The following MPP4 variants were observed in gnomAD, a reference collection of about 807,000 sequenced individuals.
The protein encoded by MPP4 is MAGUK p55 subfamily member 4.
In MPP4, 91 loss-of-function variants were observed where a neutral mutation model predicts 98.3. That is an observed-to-expected ratio of 0.93 (90% CI 0.78 to 1.10). The LOEUF is 1.10. MPP4 is among the 50% of genes least tolerant of loss of function. The pLI is 0.00. For synonymous variants in MPP4, 261 were observed against 271.8 expected (o/e 0.96, Z 0.39); for missense variants, 744 against 792.9 (o/e 0.94, Z 0.74).
At chr2:201,687,465 G>T in intron 4 of MPP4, 94 bp from the exon 5 acceptor site, 1 of 860,392 alleles carries the variant, frequency 1.2e-6, no homozygotes, top group Non-Finnish European at 1.8e-6. Context: ...ATACTAACAT[G>T]ATATTGACCT....
At chr2:201,687,775 G>A (rs1688882461) in intron 4 of MPP4, among the ~76,000 whole-genome samples, 1 of 152,044 alleles carries the variant, frequency 6.6e-6, no homozygotes, top group Non-Finnish European at 1.5e-5. Context: ...ACGTACCTGG[G>A]GAACTCAAAG....
intron 14 of MPP4, chr2:201,662,070 G>A (rs1197688494): frequency 1.3e-5 from 5 of 383,996 alleles, no homozygotes; most frequent in Non-Finnish European, 2.5e-5. Flanking sequence ...CAACTCATCT[G>A]TCTCAATGCT....
intron 12 of MPP4, 55 bp downstream of exon 12, chr2:201,669,678 G>T (rs2105927932): frequency 1.6e-6 from 2 of 1,285,346 alleles, no homozygotes; most frequent in South Asian, 4.0e-5. Context: ...TAAACTACAA[G>T]AAATTTCTAA....
At chr2:201,667,237 C>T (rs1015190556) in intron 12 of MPP4, among the ~76,000 whole-genome samples, 2 of 152,238 alleles carry the variant, frequency 1.3e-5, no homozygotes, top group Admixed American at 1.3e-4. Context: ...TCATCTGCTT[C>T]TCTCCTTCAC....
Position 201,650,298 on chromosome 2 carries a change from AAAG to A in MPP4, c.1382-136_1382-134del, listed in dbSNP as rs879103452. Reference sequence around the variant, plus strand: ...CAAGGAGATAAAATGCTAGAACTAAAAAGAAGAAGCCTGAATTGGTGATAAGTT... The same window carrying A: ...CAAGGAGATAAAATGCTAGAACTAAAAAGAAGCCTGAATTGGTGATAAGTT... On this transcript the variant is annotated intron_variant, in intron 18 of 21. Transcript: ENST00000409474. The A allele has an allele frequency of 8.9e-5, 126 of 1,418,304 alleles. No homozygotes were observed. The South Asian group carries it at 1.5e-3, about 17-fold the overall frequency. The allele number at this position is 1,418,304 out of a possible 1,614,324, so 87.9% of individuals were successfully genotyped here.
chr2:201,675,176 G>A (rs1027588219), intron 11 of MPP4, 31 bp downstream of exon 11: 4 of 1,587,584 alleles, frequency 2.5e-6, no homozygotes, highest in Non-Finnish European at 3.4e-6. Flanking sequence ...TTGCAAACAG[G>A]AAGAACCTGT....
chr2:201,671,464 TAA>T (rs1157222098), intron 11 of MPP4, among the ~76,000 whole-genome samples: 1 of 152,092 alleles, frequency 6.6e-6, no homozygotes, highest in East Asian at 1.9e-4. Context: ...GCAAATTGGA[TAA>T]AGAGTCAGGA....
chr2:201,689,814 C>T (rs796328616), intron 4 of MPP4, among the ~76,000 whole-genome samples: 5 of 151,970 alleles, frequency 3.3e-5, no homozygotes, highest in African/African-American at 1.2e-4. Flanking sequence ...TGGAGGAGTC[C>T]GTTAGACATC....
intron 18 of MPP4, among the ~76,000 whole-genome samples, chr2:201,653,960 G>T (rs146213993): frequency 6.6e-6 from 1 of 151,930 alleles, no homozygotes; most frequent in African/African-American, 2.4e-5. Flanking sequence ...GGAGTTACGA[G>T]TAAAAGGAAA....
At chr2:201,681,627 C>G in intron 8 of MPP4, 60 bp from the exon 9 acceptor site, 1 of 1,324,124 alleles carries the variant, frequency 7.6e-7, no homozygotes. Context: ...TACTGGGGCT[C>G]GGTGGACAGA....
At chr2:201,646,560 A>C (rs1687563583) in intron 21 of MPP4, among the ~76,000 whole-genome samples, 1 of 152,258 alleles carries the variant, frequency 6.6e-6, no homozygotes, top group Non-Finnish European at 1.5e-5. Flanking sequence ...TTAGACTGCC[A>C]TAAAAATGAG....
At chr2:201,686,177 A>T (rs1220228080) in intron 5 of MPP4, 127 bp from the exon 6 acceptor site, 4 of 1,081,152 alleles carry the variant, frequency 3.7e-6, no homozygotes, top group Non-Finnish European at 5.2e-6. Context: ...TGCCAGACAC[A>T]GTGCGAAGCA....
intron 12 of MPP4, among the ~76,000 whole-genome samples, chr2:201,668,282 A>G (rs889385843): frequency 6.6e-6 from 1 of 152,128 alleles, no homozygotes; most frequent in African/African-American, 2.4e-5. Flanking sequence ...TGTTCCCCCC[A>G]GTATTCATAT....
chr2:201,678,721 G>A (rs1029012948), intron 10 of MPP4, among the ~76,000 whole-genome samples: 1 of 152,104 alleles, frequency 6.6e-6, no homozygotes, highest in African/African-American at 2.4e-5. Context: ...CACTGGGCCT[G>A]GAGGTGGGGG....
chr2:201,687,344 T>C lies in MPP4; in HGVS notation c.307A>G (p.Thr103Ala). ...EVVELLRETPTSPEIQELRQM... is the reference protein window; with the variant it reads ...EVVELLRETPASPEIQELRQM... ...CTCAGCTCTTGGATCTCAGGGGAAG[T>C]AGGGGTTTCACGTAATAACTCCACT... Residue 103 changes from threonine to alanine, a missense_variant, in exon 5 of 22, where the codon ACT becomes GCT. By Grantham distance (58) the Thr-to-Ala change is moderately conservative. Transcript: ENST00000409474. 1.3e-6 allele frequency: 2 copies of C among 1,584,056 alleles called. No homozygotes were observed. The highest frequency in any genetic ancestry group is 1.7e-6 in the Non-Finnish European group (2 of 1,163,340).
intron 18 of MPP4, among the ~76,000 whole-genome samples, chr2:201,652,961 T>C (rs1352134301): frequency 6.6e-6 from 1 of 152,198 alleles, no homozygotes; most frequent in Non-Finnish European, 1.5e-5. Context: ...TATTGGGTTA[T>C]TTTGCAAACC....
At chr2:201,687,396 A>C in intron 4 of MPP4, 25 bp from the exon 5 acceptor site, 1 of 1,543,410 alleles carries the variant, frequency 6.5e-7, no homozygotes, top group Non-Finnish European at 8.8e-7. Context: ...AGGATACATT[A>C]TAAAAATTTT....
At chr2:201,689,542 A>G (rs571882260) in intron 4 of MPP4, among the ~76,000 whole-genome samples, 1 of 152,252 alleles carries the variant, frequency 6.6e-6, no homozygotes, top group African/African-American at 2.4e-5. Flanking sequence ...GTAAGAGATG[A>G]TGATGATGGT....
In MPP4 at chr2:201,675,284, A is replaced by G. The variant is rs200272445; in HGVS notation, c.930-13T>C. 6.2e-5 allele frequency: 100 copies of G among 1,603,834 alleles called. No homozygotes were observed. The highest frequency in any genetic ancestry group is 1.7e-4 in the Middle Eastern group (1 of 5,850). ...TTCCCGTTGCTTCCTATGGGGGGGA[A>G]AAAACCATGCGACAAAAAACAAACA... On this transcript the variant is annotated splice_polypyrimidine_tract_variant and intron_variant, in intron 10 of 21. Coordinates refer to ENST00000409474, the MANE Select transcript of MPP4 (RefSeq NM_033066.3).
Sources: gnomAD v4.1 joint callset for allele counts (sites outside exome capture counted in the v4.1 genomes callset) on GRCh38, gnomAD v4.1.1 for gene constraint, MANE v1.5 for transcripts, NCBI Gene and HGNC (gene_info 2026-07-23, HGNC 2026-07-21) for gene names.